Variants in CPNE4 observed in about 807,000 individuals in gnomAD.
CPNE4 encodes copine 4.
CPNE4 carries 25 observed loss-of-function variants against 67.9 expected under a neutral mutation model. The ratio of observed to expected loss-of-function variants is 0.37; its 90% CI spans 0.27 to 0.51. The LOEUF (loss-of-function observed/expected upper bound fraction) is 0.51. Among genes scored for constraint, CPNE4 ranks in the 20% least tolerant of loss-of-function variants. CPNE4 has a pLI of 0.93. For missense variants in CPNE4, 464 were observed against 690.8 expected (o/e 0.67, Z 3.68); for synonymous variants, 242 against 244.9 (o/e 0.99, Z 0.11).
chr3:131,607,529 T>C (rs1245979360), intron 7 of CPNE4, among the ~76,000 whole-genome samples: 2 of 152,194 alleles, frequency 1.3e-5, no homozygotes, highest in Non-Finnish European at 2.9e-5. Flanking sequence ...TTCTTCTGGC[T>C]ATCATAACAT....
intron 2 of CPNE4, among the ~76,000 whole-genome samples, chr3:131,801,477 T>TATATATATATATAA (rs1456669959): frequency 7.5e-6 from 1 of 133,322 alleles, no homozygotes; most frequent in South Asian, 2.4e-4. Context: ...TATATATATA[T>TATATATATATATAA]AATATCACTG....
At chr3:131,543,442 A>G (rs1263104996) in intron 14 of CPNE4, among the ~76,000 whole-genome samples, 1 of 152,196 alleles carries the variant, frequency 6.6e-6, no homozygotes, top group African/African-American at 2.4e-5. Flanking sequence ...TAGTTATTAA[A>G]ATTAAGCTGT....
intron 7 of CPNE4, among the ~76,000 whole-genome samples, chr3:131,590,075 G>A (rs1388382156): frequency 6.6e-6 from 1 of 152,122 alleles, no homozygotes; most frequent in Non-Finnish European, 1.5e-5. Context: ...TTTTCAAGGT[G>A]AGATTATTTA....
At chr3:131,878,537 T>C (rs929882776) in intron 2 of CPNE4, among the ~76,000 whole-genome samples, 2 of 152,224 alleles carry the variant, frequency 1.3e-5, no homozygotes, top group Admixed American at 6.5e-5. Context: ...TTTCTTAATC[T>C]GGATGCTGGT....
chr3:131,795,252 TAC>T (rs762418516), intron 2 of CPNE4, among the ~76,000 whole-genome samples: 15 of 152,176 alleles, frequency 9.9e-5, no homozygotes, highest in Non-Finnish European at 1.5e-4. Context: ...GGTTCAGAAT[TAC>T]AGAGTGAGAG....
In CPNE4 at chr3:131,700,054, C is replaced by CTTTTTTTTTTTTTTTT. The variant is rs3035263; in HGVS notation, c.361-90_361-75dup. 447 of 254,666 alleles carry CTTTTTTTTTTTTTTTT rather than the reference C, an allele frequency of 1.8e-3. 7 individuals carry two copies. The highest frequency in any genetic ancestry group is 3.7e-3 in the African/African-American group (110 of 30,068). 15.8% of individuals were successfully genotyped at this position (254,666 alleles called of 1,614,324 possible). A position where few individuals can be genotyped will look rare whatever the true frequency, so the allele number is the denominator to read the frequency against. Reference sequence around the variant, plus strand: ...TTAACTGTAGATCTATTTTTTAAACCTTTTTTTTTTTTTTTTTTTTTTTAC... The same window carrying CTTTTTTTTTTTTTTTT: ...TTAACTGTAGATCTATTTTTTAAACCTTTTTTTTTTTTTTTTTTTTTTTTTTTTTTTTTTTTTTTAC... On this transcript the variant is annotated intron_variant, in intron 3 of 15. Coordinates refer to ENST00000429747, the MANE Select transcript of CPNE4 (RefSeq NM_130808.3).
intron 1 of CPNE4, among the ~76,000 whole-genome samples, chr3:131,945,494 C>T (rs551342277): frequency 6.6e-6 from 1 of 152,294 alleles, no homozygotes; most frequent in East Asian, 1.9e-4. Flanking sequence ...GTGATTCCAG[C>T]CCAATGCAGA....
intron 2 of CPNE4, among the ~76,000 whole-genome samples, chr3:131,774,652 C>T (rs2083251191): frequency 6.6e-6 from 1 of 152,040 alleles, no homozygotes; most frequent in East Asian, 1.9e-4. Context: ...ATATGATGTC[C>T]CTTGCAGTCC....
At chr3:131,883,229 T>C (rs1008406246) in intron 2 of CPNE4, among the ~76,000 whole-genome samples, 5 of 152,188 alleles carry the variant, frequency 3.3e-5, no homozygotes, top group African/African-American at 4.8e-5. Context: ...GGTAGAATTA[T>C]TGATGCAACC....
chr3:131,991,101 C>A lies in CPNE4; in HGVS notation c.-2+43466G>T, dbSNP rs1339662797. Among the ~76,000 whole-genome samples the A allele has an allele frequency of 1.5e-5, 2 of 136,046 alleles. 1 individual carries two copies. The highest frequency in any genetic ancestry group is 1.7e-4 in the Admixed American group (2 of 12,006). 89.3% of individuals were successfully genotyped at this position (136,046 alleles called of 152,430 possible). A position where few individuals can be genotyped will look rare whatever the true frequency, so the allele number is the denominator to read the frequency against. ...TTCCTTTATAAATTACCCAGTCTCT[C>A]GTATGTCTTTACTAGCAGTTTGAGA... On this transcript the variant is annotated intron_variant, in intron 1 of 15. Transcript: ENST00000429747.
intron 1 of CPNE4, among the ~76,000 whole-genome samples, chr3:132,012,220 G>A (rs566885967): frequency 6.7e-6 from 1 of 149,222 alleles, no homozygotes; most frequent in East Asian, 2.0e-4. Context: ...CCAGGCCGGA[G>A]TTCAGTGGTG....
intron 2 of CPNE4, among the ~76,000 whole-genome samples, chr3:131,892,945 A>T: frequency 6.6e-6 from 1 of 152,180 alleles, no homozygotes; most frequent in Non-Finnish European, 1.5e-5. Context: ...ATCAGAAAAC[A>T]ACTAAAAATA....
chr3:131,976,957 A>G (rs1480077876), intron 1 of CPNE4, among the ~76,000 whole-genome samples: 1 of 151,920 alleles, frequency 6.6e-6, no homozygotes, highest in Non-Finnish European at 1.5e-5. Context: ...ACACACCACC[A>G]TGTCCGGCTA....
At chr3:131,699,088 C>T (rs974200102) in intron 4 of CPNE4, among the ~76,000 whole-genome samples, 1 of 152,078 alleles carries the variant, frequency 6.6e-6, no homozygotes. Context: ...TCACTCCATA[C>T]ATCCAAATGG....
At chr3:131,816,219 G>T (rs915836581) in intron 2 of CPNE4, among the ~76,000 whole-genome samples, 4 of 152,176 alleles carry the variant, frequency 2.6e-5, no homozygotes. Context: ...AGGACAATAG[G>T]TTTTAATATG....
intron 2 of CPNE4, among the ~76,000 whole-genome samples, chr3:131,799,506 G>C (rs960071735): frequency 6.6e-6 from 1 of 152,100 alleles, no homozygotes; most frequent in African/African-American, 2.4e-5. Context: ...GTTGTGTTTT[G>C]TCTTTAATTT....
chr3:131,844,736 T>G (rs191865858), intron 2 of CPNE4, among the ~76,000 whole-genome samples: 6 of 152,298 alleles, frequency 3.9e-5, no homozygotes, highest in Admixed American at 3.9e-4. Flanking sequence ...CAGCCATCAG[T>G]TAAGGTGTTA....
At chr3:131,824,820 G>C (rs2085091713) in intron 2 of CPNE4, among the ~76,000 whole-genome samples, 1 of 152,070 alleles carries the variant, frequency 6.6e-6, no homozygotes, top group Non-Finnish European at 1.5e-5. Context: ...CCTTTGGATG[G>C]AGGCTTGGAG....
chr3:131,710,600 G>A (rs938744880), intron 3 of CPNE4, among the ~76,000 whole-genome samples: 3 of 152,068 alleles, frequency 2.0e-5, no homozygotes, highest in Admixed American at 6.6e-5. Flanking sequence ...TTGAAATTTC[G>A]CTCTGCAACT....
Sources: allele counts gnomAD v4.1 joint callset (sites outside exome capture counted in the v4.1 genomes callset), GRCh38; gene constraint gnomAD v4.1.1; transcripts MANE v1.5; gene names NCBI Gene and HGNC (gene_info 2026-07-23, HGNC 2026-07-21).